CADM2: variants seen among roughly 807,000 people sequenced by gnomAD.
CADM2 encodes immunoglobulin superfamily member 4D.
In CADM2, 12 loss-of-function variants were observed where a neutral mutation model predicts 49.8. The observed-to-expected ratio is 0.24, with a 90% confidence interval of 0.15 to 0.39. The LOEUF (loss-of-function observed/expected upper bound fraction) is 0.39. Ranked by LOEUF, CADM2 falls within the 10% of genes least tolerant of loss-of-function variation. The probability of loss-of-function intolerance (pLI) is 1.00; values close to 1 mark genes in which losing one functional copy is unlikely to be tolerated. For missense variants in CADM2, 378 were observed against 492.3 expected (o/e 0.77, Z 2.20); for synonymous variants, 214 against 175.4 (o/e 1.22, Z -1.74).
chr3:85,898,923 A>C (rs1212975341), intron 5 of CADM2, among the ~76,000 whole-genome samples: 3 of 116,160 alleles, frequency 2.6e-5, no homozygotes, highest in Admixed American at 9.3e-5. Flanking sequence ...CATAAAATCC[A>C]ATTCATTTAT....
At chr3:85,799,744 C>T (rs774195587) in intron 2 of CADM2, among the ~76,000 whole-genome samples, 21 of 152,140 alleles carry the variant, frequency 1.4e-4, no homozygotes, top group Non-Finnish European at 2.6e-4. Flanking sequence ...GCTGCCTGCT[C>T]CTTCCTGTAG....
At chr3:85,434,667 G>C (rs1053758359) in intron 1 of CADM2, among the ~76,000 whole-genome samples, 1 of 151,914 alleles carries the variant, frequency 6.6e-6, no homozygotes, top group East Asian at 1.9e-4. Context: ...TTCATTCTAC[G>C]TATTTCTGAT....
At chr3:84,984,356 TAAAAAAAAAAAAAAAAA>T (rs375702349) in intron 1 of CADM2, among the ~76,000 whole-genome samples, 5 of 67,090 alleles carry the variant, frequency 7.5e-5, no homozygotes, top group African/African-American at 2.3e-4. Context: ...AAGATTAAGC[TAAAAAAAAAAAAAAAAA>T]AAAAAAAAAA....
chr3:85,609,114 A>T (rs1173635030), intron 1 of CADM2, among the ~76,000 whole-genome samples: 1 of 152,026 alleles, frequency 6.6e-6, no homozygotes, highest in Non-Finnish European at 1.5e-5. Flanking sequence ...CCACACTAGC[A>T]GATCTCCCAT....
chr3:85,486,702 A>T, intron 1 of CADM2, among the ~76,000 whole-genome samples: 1 of 102,800 alleles, frequency 9.7e-6, no homozygotes, highest in East Asian at 7.3e-4. Context: ...AGGGAGACCA[A>T]TTGGAATGTG....
chr3:85,873,516 A>C (rs1293577376), intron 3 of CADM2, among the ~76,000 whole-genome samples: 1 of 151,996 alleles, frequency 6.6e-6, no homozygotes, highest in Non-Finnish European at 1.5e-5. Context: ...AAATAGGAAA[A>C]TTAGTCAGGC....
chr3:85,206,311 CTTT>C (rs546784330), intron 1 of CADM2, among the ~76,000 whole-genome samples: 2 of 130,256 alleles, frequency 1.5e-5, no homozygotes, highest in Non-Finnish European at 1.7e-5. Flanking sequence ...TTTTTCTTTT[CTTT>C]TTTTTTTTTT....
At chr3:85,190,887 A>C (rs2041192225) in intron 1 of CADM2, among the ~76,000 whole-genome samples, 1 of 152,158 alleles carries the variant, frequency 6.6e-6, no homozygotes, top group Non-Finnish European at 1.5e-5. Context: ...TGAGACAATT[A>C]ATTAGTGAAG....
Position 85,414,326 on chromosome 3 carries a change from A to G in CADM2, c.62-312196A>G, listed in dbSNP as rs148447506. ...ACAATAATAAGCAAAACTAGACTGC[A>G]GAAATTTATGTAAATCTTTCATAAG... On this transcript the variant is annotated intron_variant, in intron 1 of 9. Transcript: ENST00000383699. Among the ~76,000 whole-genome samples, 1,191 of 152,352 alleles carry G rather than the reference A, an allele frequency of 7.8e-3. 6 individuals carry two copies. Among genetic ancestry groups the G allele is most frequent in the Non-Finnish European group, 0.013 (883 of 68,028 alleles).
At chr3:85,982,352 C>CA (rs1727579088) in intron 8 of CADM2, among the ~76,000 whole-genome samples, 2 of 151,430 alleles carry the variant, frequency 1.3e-5, no homozygotes, top group South Asian at 4.1e-4. Context: ...CGTACACACA[C>CA]AAAAAGATAT....
intron 7 of CADM2, among the ~76,000 whole-genome samples, chr3:85,941,606 C>A (rs1255439124): frequency 6.6e-6 from 1 of 151,978 alleles, no homozygotes; most frequent in Non-Finnish European, 1.5e-5. Context: ...AGCCCCTTCT[C>A]TAATTTACCT....
intron 1 of CADM2, among the ~76,000 whole-genome samples, chr3:85,721,871 T>C (rs1320711950): frequency 6.6e-6 from 1 of 152,212 alleles, no homozygotes; most frequent in African/African-American, 2.4e-5. Context: ...GCCTCATTTG[T>C]TGGGTACTGA....
chr3:85,290,031 G>T (rs1304478209), intron 1 of CADM2, among the ~76,000 whole-genome samples: 1 of 152,164 alleles, frequency 6.6e-6, no homozygotes, highest in Non-Finnish European at 1.5e-5. Context: ...CTGAGGTACT[G>T]GTTTCATCTC....
At chr3:86,038,865 G>A (rs758181571) in intron 8 of CADM2, among the ~76,000 whole-genome samples, 2 of 152,128 alleles carry the variant, frequency 1.3e-5, no homozygotes, top group Non-Finnish European at 2.9e-5. Context: ...GGTTGCATAG[G>A]TGAGATTCAG....
At position 85,995,014 on chromosome 3, in the gene CADM2, T is replaced by TAAAAAAAAAAAAAAA. The variant is rs59038758; in HGVS notation, c.970+33373_970+33387dup. ...GGGTTGCCACAAATCTTCGATTTGTTAAAAAAAAAAAAAAAAAAAATCATT... is the reference window on the plus strand; with the variant it reads ...GGGTTGCCACAAATCTTCGATTTGTTAAAAAAAAAAAAAAAAAAAAAAAAAAAAAAAAAAATCATT... On this transcript the variant is annotated intron_variant, in intron 8 of 9. Coordinates refer to ENST00000383699, the MANE Select transcript of CADM2 (RefSeq NM_001167675.2). 7.1e-3 allele frequency among the ~76,000 whole-genome samples: 586 copies of TAAAAAAAAAAAAAAA among 82,798 alleles called. 28 individuals carry two copies. Among genetic ancestry groups the TAAAAAAAAAAAAAAA allele is most frequent in the Middle Eastern group, 0.014 (2 of 148 alleles). The allele number at this position is 82,798 out of a possible 152,430, so 54.3% of individuals were successfully genotyped here. A position where few individuals can be genotyped will look rare whatever the true frequency, so the allele number is the denominator to read the frequency against.
intron 2 of CADM2, among the ~76,000 whole-genome samples, chr3:85,727,822 G>T (rs1340857037): frequency 6.6e-6 from 1 of 152,020 alleles, no homozygotes; most frequent in African/African-American, 2.4e-5. Flanking sequence ...TTGAAGGATG[G>T]ATAGGATGTA....
chr3:84,984,002 T>TTTTAAA (rs1159668564), intron 1 of CADM2, among the ~76,000 whole-genome samples: 1 of 151,042 alleles, frequency 6.6e-6, no homozygotes. Context: ...CTTTCAGACT[T>TTTTAAA]TCTATTTTCA....
chr3:85,514,930 C>A (rs2060857626), intron 1 of CADM2, among the ~76,000 whole-genome samples: 1 of 152,090 alleles, frequency 6.6e-6, no homozygotes, highest in Admixed American at 6.6e-5. Context: ...TTACCCTATT[C>A]TATTAATCAC....
chr3:85,996,792 AC>A (rs1729484656), intron 8 of CADM2, among the ~76,000 whole-genome samples: 1 of 152,172 alleles, frequency 6.6e-6, no homozygotes, highest in Non-Finnish European at 1.5e-5. Context: ...ATCTGAGAAG[AC>A]AGTTATTGAG....
Sources: gnomAD v4.1 joint callset for allele counts (sites outside exome capture counted in the v4.1 genomes callset) on GRCh38, gnomAD v4.1.1 for gene constraint, MANE v1.5 for transcripts, NCBI Gene and HGNC (gene_info 2026-07-23, HGNC 2026-07-21) for gene names.